ARHGAP22: variants seen among roughly 807,000 people sequenced by gnomAD.
The protein encoded by ARHGAP22 is rho GTPase-activating protein 22.
ARHGAP22 carries 48 observed loss-of-function variants against 59.1 expected under a neutral mutation model. The observed-to-expected ratio is 0.81, with a 90% CI of 0.64 to 1.03. The LOEUF is 1.03. ARHGAP22 is among the 50% of genes least tolerant of loss of function. The pLI, the probability that ARHGAP22 is intolerant of heterozygous loss-of-function variation, is 0.00. For missense variants in ARHGAP22, 1,015 were observed against 958.7 expected (o/e 1.06, Z -0.78); for synonymous variants, 445 against 416.4 (o/e 1.07, Z -0.84).
At chr10:48,472,456 A>G (rs908049972) in intron 4 of ARHGAP22, among the ~76,000 whole-genome samples, 1 of 152,144 alleles carries the variant, frequency 6.6e-6, no homozygotes, top group African/African-American at 2.4e-5. Context: ...CCTAAGAGGC[A>G]GAGGTTGCAG....
At chr10:48,522,857 G>C (rs60771413) in intron 3 of ARHGAP22, among the ~76,000 whole-genome samples, 1 of 152,212 alleles carries the variant, frequency 6.6e-6, no homozygotes, top group Non-Finnish European at 1.5e-5. Flanking sequence ...GTTGCAAAGA[G>C]GCTCAACCAC....
intron 3 of ARHGAP22, among the ~76,000 whole-genome samples, chr10:48,551,275 C>CTGA (rs2135264385): frequency 6.6e-6 from 1 of 152,318 alleles, no homozygotes; most frequent in African/African-American, 2.4e-5. Flanking sequence ...TCTTGCCTGT[C>CTGA]TGCCCTGCAC....
intron 4 of ARHGAP22, among the ~76,000 whole-genome samples, chr10:48,477,128 T>C (rs928299042): frequency 2.6e-5 from 4 of 152,196 alleles, no homozygotes; most frequent in African/African-American, 9.6e-5. Context: ...TCCCATCCCA[T>C]CTTAACCTCT....
the ARHGAP22 span, among the ~76,000 whole-genome samples, chr10:48,440,373 G>A: frequency 6.6e-6 from 1 of 152,204 alleles, no homozygotes; most frequent in African/African-American, 2.4e-5. Context: ...TGACATAGAA[G>A]TGTGCCAGAA....
At chr10:48,649,373 G>A (rs919217193) in intron 1 of ARHGAP22, among the ~76,000 whole-genome samples, 13 of 152,190 alleles carry the variant, frequency 8.5e-5, no homozygotes, top group African/African-American at 1.4e-4. Flanking sequence ...AGAGGGTTTC[G>A]AAGGAGCCTC....
intron 3 of ARHGAP22, among the ~76,000 whole-genome samples, chr10:48,514,172 C>A (rs2053067750): frequency 6.6e-6 from 1 of 151,438 alleles, no homozygotes; most frequent in Admixed American, 6.6e-5. Context: ...GATGGGACAC[C>A]ATAAAGTGCA....
intron 1 of ARHGAP22, among the ~76,000 whole-genome samples, chr10:48,615,640 CT>C (rs1205693279): frequency 6.6e-6 from 1 of 152,086 alleles, no homozygotes; most frequent in Non-Finnish European, 1.5e-5. Context: ...ATCAGTAGAA[CT>C]GTCCATAATG....
At chr10:48,645,711 C>T (rs1237999605) in intron 1 of ARHGAP22, among the ~76,000 whole-genome samples, 2 of 152,116 alleles carry the variant, frequency 1.3e-5, no homozygotes, top group Admixed American at 6.5e-5. Flanking sequence ...CATGAAAATA[C>T]TGAATGCTTT....
intron 1 of ARHGAP22, among the ~76,000 whole-genome samples, chr10:48,596,463 G>T (rs533825469): frequency 6.6e-6 from 1 of 152,172 alleles, no homozygotes. Flanking sequence ...GCAGGGAGCC[G>T]GGGTGAGGTG....
At chr10:48,455,882 CCA>C (rs2046448258) in intron 5 of ARHGAP22, among the ~76,000 whole-genome samples, 1 of 152,202 alleles carries the variant, frequency 6.6e-6, no homozygotes, top group South Asian at 2.1e-4. Context: ...CTCTTCCTGT[CCA>C]CAGTGGTGAC....
intron 1 of ARHGAP22, among the ~76,000 whole-genome samples, chr10:48,647,552 T>G (rs2062359872): frequency 6.6e-6 from 1 of 150,618 alleles, no homozygotes; most frequent in Non-Finnish European, 1.5e-5. Flanking sequence ...ATAGCAAGTG[T>G]TGGTGAGGAT....
intron 1 of ARHGAP22, among the ~76,000 whole-genome samples, chr10:48,618,731 C>A (rs571322814): frequency 6.6e-6 from 1 of 152,104 alleles, no homozygotes; most frequent in South Asian, 2.1e-4. Flanking sequence ...CAAACCACAG[C>A]CTACATCATA....
At chr10:48,647,603 T>C (rs954167778) in intron 1 of ARHGAP22, among the ~76,000 whole-genome samples, 4 of 152,290 alleles carry the variant, frequency 2.6e-5, no homozygotes, top group Middle Eastern at 3.4e-3. Flanking sequence ...TGGGATTGTA[T>C]GACGGTGGGA....
chr10:48,532,207 G>A (rs1167914646), intron 3 of ARHGAP22, among the ~76,000 whole-genome samples: 1 of 152,156 alleles, frequency 6.6e-6, no homozygotes, highest in Non-Finnish European at 1.5e-5. Flanking sequence ...CAGCTGGTGG[G>A]TAGAGGGTAG....
chr10:48,597,301 C>A (rs2060125549), intron 1 of ARHGAP22, among the ~76,000 whole-genome samples: 1 of 152,030 alleles, frequency 6.6e-6, no homozygotes, highest in African/African-American at 2.4e-5. Flanking sequence ...ACAGGATTCT[C>A]CTACCCACGG....
At chr10:48,582,773 AAC>A (rs940108784) in intron 2 of ARHGAP22, 178 bp downstream of exon 2, 7 of 663,622 alleles carry the variant, frequency 1.1e-5, no homozygotes, top group Admixed American at 9.4e-5. Flanking sequence ...GTTCCAGTAA[AAC>A]AGGCTGTGAT....
chr10:48,518,772 G>A (rs1194056659), intron 3 of ARHGAP22, among the ~76,000 whole-genome samples: 1 of 152,208 alleles, frequency 6.6e-6, no homozygotes, highest in African/African-American at 2.4e-5. Flanking sequence ...GGTCCATGTG[G>A]GAGGCCTTGT....
intron 2 of ARHGAP22, chr10:48,575,261 A>T (rs940561642): frequency 3.4e-5 from 5 of 146,802 alleles, no homozygotes; most frequent in East Asian, 3.9e-4. Context: ...AAACCTCTTT[A>T]AAAAAAAATT....
At chr10:48,452,974 C>T (rs2046129911) in intron 8 of ARHGAP22, among the ~76,000 whole-genome samples, 1 of 152,238 alleles carries the variant, frequency 6.6e-6, no homozygotes, top group Non-Finnish European at 1.5e-5. Context: ...GCAAACATGT[C>T]TGTGTTCAAG....
Sources: gnomAD v4.1 joint callset for allele counts (sites outside exome capture counted in the v4.1 genomes callset) on GRCh38, gnomAD v4.1.1 for gene constraint, MANE v1.5 for transcripts, NCBI Gene and HGNC (gene_info 2026-07-23, HGNC 2026-07-21) for gene names.